TFEC: variants seen among roughly 807,000 people sequenced by gnomAD.
TFEC encodes the protein class E basic helix-loop-helix protein 34.
Under a neutral mutation model 41.6 loss-of-function variants are expected in TFEC, and 31 were observed. The ratio of observed to expected loss-of-function variants is 0.74; its 90% CI spans 0.56 to 1.01. The LOEUF (loss-of-function observed/expected upper bound fraction) is 1.01, where lower values mean the gene tolerates loss of function less well. Among genes scored for constraint, TFEC ranks in the 50% least tolerant of loss-of-function variants. The pLI is 0.00. For missense variants in TFEC, 402 were observed against 404.1 expected, an observed-to-expected ratio of 0.99 and a Z score of 0.04; for synonymous variants, 143 against 140.6, an observed-to-expected ratio of 1.02 and a Z score of -0.12.
upstream of TFEC, among the ~76,000 whole-genome samples, chr7:116,035,290 C>T (rs1363185983): frequency 1.3e-5 from 2 of 151,966 alleles, no homozygotes; most frequent in Non-Finnish European, 2.9e-5. Context: ...TACATTCTCA[C>T]TTTCTTTAGG....
At chr7:116,042,526 C>T (rs1028461600) in intron 3 of TFEC, among the ~76,000 whole-genome samples, 7 of 152,116 alleles carry the variant, frequency 4.6e-5, no homozygotes, top group Non-Finnish European at 8.8e-5. Flanking sequence ...TTTGAATTCA[C>T]GATTAATTTG....
intron 1 of TFEC, among the ~76,000 whole-genome samples, chr7:116,024,444 A>C (rs1052438207): frequency 6.6e-6 from 1 of 152,176 alleles, no homozygotes; most frequent in Non-Finnish European, 1.5e-5. Context: ...CTCACTGTTC[A>C]GCTTTCACCT....
intron 3 of TFEC, among the ~76,000 whole-genome samples, chr7:115,970,935 G>T (rs1279712903): frequency 1.3e-5 from 2 of 151,952 alleles, no homozygotes; most frequent in Non-Finnish European, 1.5e-5. Flanking sequence ...CCCAGCCTTA[G>T]GTATTCCTTT....
intron 1 of TFEC, among the ~76,000 whole-genome samples, chr7:116,151,238 A>ATTTTTTT (rs5886809): frequency 8.3e-6 from 1 of 120,124 alleles, no homozygotes. Context: ...ATTATGTCAG[A>ATTTTTTT]TTTTTTTTTT....
chr7:115,948,480 C>T (rs1402057239), intron 6 of TFEC, among the ~76,000 whole-genome samples: 1 of 152,108 alleles, frequency 6.6e-6, no homozygotes, highest in Non-Finnish European at 1.5e-5. Flanking sequence ...TCCAGCAGCA[C>T]ATCAAAAAGC....
chr7:115,980,414 C>G (rs982378394), intron 2 of TFEC, among the ~76,000 whole-genome samples: 5 of 152,174 alleles, frequency 3.3e-5, no homozygotes, highest in African/African-American at 1.2e-4. Flanking sequence ...TGACTACCTA[C>G]TTCTGGCCTA....
At chr7:115,970,169 G>A (rs1793068288) in intron 3 of TFEC, among the ~76,000 whole-genome samples, 1 of 151,906 alleles carries the variant, frequency 6.6e-6, no homozygotes, top group Non-Finnish European at 1.5e-5. Context: ...ACATCTGTGA[G>A]AAGAAAAAGA....
chr7:115,973,228 C>T (rs543890551), intron 3 of TFEC, among the ~76,000 whole-genome samples: 72 of 151,918 alleles, frequency 4.7e-4, no homozygotes, highest in Non-Finnish European at 1.0e-3. Context: ...AGAGACACTT[C>T]TCTCATTAGA....
At chr7:116,102,432 T>C (rs1370790951) in intron 3 of TFEC, among the ~76,000 whole-genome samples, 1 of 152,082 alleles carries the variant, frequency 6.6e-6, no homozygotes, top group African/African-American at 2.4e-5. Context: ...AAAGATTGGA[T>C]AGGAACGAGA....
At chr7:115,946,574 T>C (rs993763028) in intron 6 of TFEC, among the ~76,000 whole-genome samples, 1 of 151,148 alleles carries the variant, frequency 6.6e-6, no homozygotes, top group Non-Finnish European at 1.5e-5. Flanking sequence ...TGCTACCATA[T>C]CAAGCTTGCT....
chr7:116,157,079 T>C (rs1193141941), intron 1 of TFEC, among the ~76,000 whole-genome samples: 3 of 152,202 alleles, frequency 2.0e-5, no homozygotes, highest in Admixed American at 6.5e-5. Context: ...AGGCCTCCGA[T>C]GATCTTTCCC....
intron 3 of TFEC, among the ~76,000 whole-genome samples, chr7:116,052,879 C>T (rs988270519): frequency 6.6e-6 from 1 of 151,580 alleles, no homozygotes; most frequent in African/African-American, 2.4e-5. Context: ...ACCATCCTGG[C>T]TAACACGGTG....
chr7:115,969,771 G>T (rs74680729), intron 3 of TFEC, among the ~76,000 whole-genome samples: 13,580 of 151,976 alleles, frequency 0.089, 948 homozygotes, highest in East Asian at 0.38. Context: ...AGAGCCTGTG[G>T]CTGTAGGGAG....
intron 1 of TFEC, among the ~76,000 whole-genome samples, chr7:115,988,533 A>T (rs961887256): frequency 3.9e-5 from 6 of 152,192 alleles, no homozygotes; most frequent in South Asian, 2.1e-4. Flanking sequence ...CAAAAAGAAA[A>T]AGCTTAAAAA....
chr7:115,991,133 C>A (rs1309155658), intron 1 of TFEC, among the ~76,000 whole-genome samples: 3 of 152,104 alleles, frequency 2.0e-5, no homozygotes, highest in African/African-American at 7.2e-5. Context: ...CCAAACTAAG[C>A]TTCATAAAGG....
At chr7:116,150,724 T>G (rs1444554540) in intron 1 of TFEC, among the ~76,000 whole-genome samples, 2 of 152,124 alleles carry the variant, frequency 1.3e-5, no homozygotes, top group East Asian at 3.9e-4. Context: ...TTTAATATTA[T>G]GCTAAAGGAA....
At chr7:116,056,125 C>T (rs1796423827) in intron 3 of TFEC, among the ~76,000 whole-genome samples, 1 of 151,966 alleles carries the variant, frequency 6.6e-6, no homozygotes, top group South Asian at 2.1e-4. Flanking sequence ...ATTTGAAACA[C>T]TACCTTTCAA....
At chr7:115,966,794 A>T (rs1441711039) in intron 3 of TFEC, among the ~76,000 whole-genome samples, 2 of 151,866 alleles carry the variant, frequency 1.3e-5, no homozygotes, top group African/African-American at 4.8e-5. Flanking sequence ...TGTTTTCTGC[A>T]CTACCAATGT....
At chr7:116,035,441 C>A (rs1348363779), upstream of TFEC, among the ~76,000 whole-genome samples, 2 of 152,172 alleles carry the variant, frequency 1.3e-5, no homozygotes, top group South Asian at 2.1e-4. Context: ...ACACATATTT[C>A]TTTTATAAGC....
Sources: gnomAD v4.1 joint callset for allele counts (sites outside exome capture counted in the v4.1 genomes callset) on GRCh38, gnomAD v4.1.1 for gene constraint, MANE v1.5 for transcripts, NCBI Gene and HGNC (gene_info 2026-07-23, HGNC 2026-07-21) for gene names.